SSC5D: variants seen among roughly 807,000 people sequenced by gnomAD.
SSC5D encodes scavenger receptor cysteine rich family member with 5 domains.
SSC5D carries 106 observed loss-of-function variants against 104.6 expected under a neutral mutation model. That is an observed-to-expected ratio of 1.01 (90% CI 0.87 to 1.19). The LOEUF (loss-of-function observed/expected upper bound fraction) is 1.19. Among genes scored for constraint, SSC5D ranks in the 50% most tolerant of loss-of-function variants. The pLI is 0.00. For synonymous variants in SSC5D, 860 were observed against 883.5 expected (o/e 0.97, Z 0.47); for missense variants, 1,993 against 2,153.8 (o/e 0.93, Z 1.48).
intron 13 of SSC5D, among the ~76,000 whole-genome samples, chr19:55,515,742 ATAAAAT>A (rs1568485217): frequency 2.0e-5 from 3 of 149,864 alleles, no homozygotes; most frequent in Admixed American, 6.6e-5. Context: ...AAAAAAAAAA[ATAAAAT>A]AAAATAAAAG....
chr19:55,499,361 C>T (rs1455372960), intron 9 of SSC5D, among the ~76,000 whole-genome samples: 2 of 152,168 alleles, frequency 1.3e-5, no homozygotes, highest in Non-Finnish European at 2.9e-5. Flanking sequence ...TCCCTCTGTC[C>T]CCGTCTTCCT....
Position 55,488,542 on chromosome 19 carries a change from C to A in SSC5D, c.-48C>A. On this transcript the variant is annotated 5_prime_UTR_variant, in exon 1 of 14. Coordinates refer to ENST00000389623, the MANE Select transcript of SSC5D (RefSeq NM_001144950.2). ...CCCCAGCTGCCTCCTCCTCTTCTCT[C>A]CCCGCTCTCCTTCCCCTTTCACCCC... is the stretch of plus-strand genomic sequence containing the variant. 1.3e-6 allele frequency: 2 copies of A among 1,534,984 alleles called. No homozygotes were observed. The highest frequency in any genetic ancestry group is 1.8e-6 in the Non-Finnish European group (2 of 1,132,900).
chr19:55,497,766 G>A, intron 8 of SSC5D, 114 bp from the exon 9 acceptor site: 1 of 1,024,570 alleles, frequency 9.8e-7, no homozygotes, highest in Non-Finnish European at 1.4e-6. Flanking sequence ...ATGAATGGAG[G>A]GAAGGCCTAG....
At position 55,500,528 on chromosome 19, in the gene SSC5D, T is replaced by G. The variant is rs1268031782; in HGVS notation, c.2341T>G (p.Cys781Gly). Residue 781 changes from cysteine (C) to glycine (G), a missense_variant, in exon 11 of 14, where the codon TGT (cysteine) becomes GGT (glycine). Cys to Gly is a radical substitution (Grantham distance 159, BLOSUM62 -3). Transcript: ENST00000389623. The surrounding 1 kb of genome is among the most constrained non-coding windows in gnomAD (Gnocchi z 4.6). ...RVRLADGPNR[C>G]AGRLEVWHAG... The stretch of plus-strand genomic sequence containing the variant: ...TCGTCTGGCCGATGGGCCCAACCGC[T>G]GTGCTGGCCGGCTGGAAGTGTGGCA... The G allele has an allele frequency of 6.4e-7, 1 of 1,551,720 alleles. No homozygotes were observed. Among genetic ancestry groups the G allele is most frequent in the Non-Finnish European group, 8.7e-7 (1 of 1,146,990 alleles).
chr19:55,493,977 T>TGGGGGGGGG, intron 7 of SSC5D, 65 bp downstream of exon 7: 1 of 23,772 alleles, frequency 4.2e-5, no homozygotes, highest in South Asian at 3.9e-4. Flanking sequence ...AGGGGCAAGT[T>TGGGGGGGGG]CGGCGGGGGC....
chr19:55,488,600 T>C lies in SSC5D; in HGVS notation c.11T>C (p.Leu4Ser). Residue 4 changes from leucine (L) to serine (S), a missense_variant, in exon 1 of 14, where the codon TTG becomes TCG. Leu to Ser is a moderately radical substitution (Grantham distance 145, BLOSUM62 -2). Coordinates refer to ENST00000389623, the MANE Select transcript of SSC5D (RefSeq NM_001144950.2). ...GCCCTGGCTGCAACCATGAGGGTCT[T>C]GGCCTGCCTCCTTGGTGAGTGATCC... Reference protein sequence around the residue: MRVLACLLAALVGI... With the variant: MRVSACLLAALVGI... 6.5e-7 allele frequency: 1 copy of C among 1,550,276 alleles called. No individual in the cohort carries two copies. The highest frequency in any genetic ancestry group is 1.7e-4 in the Middle Eastern group (1 of 5,986).
chr19:55,515,851 A>G (rs1377917015), intron 13 of SSC5D, among the ~76,000 whole-genome samples: 1 of 152,222 alleles, frequency 6.6e-6, no homozygotes, highest in African/African-American at 2.4e-5. Flanking sequence ...GGCACGGTAG[A>G]TCACAGCGCA....
At chr19:55,495,215 T>TCATATATATATATATATATATA (rs1987280652) in intron 8 of SSC5D, among the ~76,000 whole-genome samples, 1 of 23,158 alleles carries the variant, frequency 4.3e-5, no homozygotes, top group South Asian at 1.7e-3. Context: ...CTGCCTCCTT[T>TCATATATATATATATATATATA]CATATATATA....
chr19:55,493,604 C>T lies in SSC5D; in HGVS notation c.905C>T (p.Pro302Leu). 1 of 1,457,154 alleles carries T rather than the reference C, an allele frequency of 6.9e-7. No individual in the cohort carries two copies. Among genetic ancestry groups the T allele is most frequent in the African/African-American group, 1.5e-5 (1 of 67,470 alleles). The allele number at this position is 1,457,154 out of a possible 1,614,324, so 90.3% of individuals were successfully genotyped here. ...CTCTCCCACTATCCAGGCCCAGCACCTCGGCTGCGCCTGGCCGATGGCCCC... is the reference window on the plus strand; with the variant it reads ...CTCTCCCACTATCCAGGCCCAGCACTTCGGCTGCGCCTGGCCGATGGCCCC... ...DAGLVCTGPAPRLRLADGPHG... is the reference protein window; with the variant it reads ...DAGLVCTGPALRLRLADGPHG... Residue 302 changes from proline (P) to leucine (L), a missense_variant, in exon 7 of 14, where the codon CCT becomes CTT. Around this residue, in one of 6 missense-constraint regions of SSC5D, gnomAD observed 1,101 missense variants for 1,085.0 expected, o/e 1.01. Transcript: ENST00000389623.
chr19:55,512,851 C>G (rs1987787337), intron 12 of SSC5D, among the ~76,000 whole-genome samples, 160 bp from the exon 13 acceptor site: 1 of 152,120 alleles, frequency 6.6e-6, no homozygotes, highest in African/African-American at 2.4e-5. Context: ...AACATCCCAG[C>G]TGAATGGAGA....
At position 55,490,426 on chromosome 19, in the gene SSC5D, T is replaced by C; in HGVS notation, c.586+18T>C. ...CCGCCAAGGTAAGCTCCCTGCAGGC[T>C]CCCCCGACCCCAAGGCTGGTTGCTG... is the stretch of plus-strand genomic sequence containing the variant. On this transcript the variant is annotated intron_variant, in intron 5 of 13. Transcript: ENST00000389623. 2 of 700,826 alleles carry C rather than the reference T, an allele frequency of 2.9e-6. No individual in the cohort carries two copies. The highest frequency in any genetic ancestry group is 1.9e-5 in the South Asian group (1 of 53,400). 43.4% of individuals were successfully genotyped at this position (700,826 alleles called of 1,614,324 possible).
Position 55,489,565 on chromosome 19 carries a change from T to C in SSC5D, c.264T>C (p.Ala88=). 3.3e-6 allele frequency: 5 copies of C among 1,509,274 alleles called. No homozygotes were observed. Among genetic ancestry groups the C allele is most frequent in the African/African-American group, 1.4e-5 (1 of 72,246 alleles). 93.5% of individuals were successfully genotyped at this position (1,509,274 alleles called of 1,614,324 possible). ...GAGPVWLSEL[A]CRGNEGQLGL... ...GGCCTGTGTGGCTCAGCGAGCTGGC[T>C]TGCCGGGGCAACGAGGGGCAGCTGG... Residue 88 remains alanine, a synonymous_variant, in exon 3 of 14, where the codon GCT becomes GCC. Transcript: ENST00000389623.
intron 12 of SSC5D, among the ~76,000 whole-genome samples, chr19:55,511,751 A>G (rs908048875): frequency 2.0e-5 from 3 of 151,980 alleles, no homozygotes; most frequent in Non-Finnish European, 1.5e-5. Context: ...GCTGGTTATG[A>G]AGGAAGATGG....
rs1987058707 is a variant in SSC5D at position 55,489,356 on chromosome 19, C to T, written c.55C>T (p.Arg19Cys). 3.5e-6 allele frequency: 5 copies of T among 1,446,184 alleles called. No homozygotes were observed. Among genetic ancestry groups the T allele is most frequent in the African/African-American group, 1.5e-5 (1 of 66,746 alleles). 89.6% of individuals were successfully genotyped at this position (1,446,184 alleles called of 1,614,324 possible). Residue 19 changes from arginine to cysteine, a missense_variant and splice_region_variant, in exon 3 of 14, where the codon CGC becomes TGC. This residue lies in a region of SSC5D where 1,101 missense variants were observed against 1,085.0 expected (regional missense o/e 1.01). Transcript: ENST00000389623. ...AALVGIQAVE[R>C]LRLADGPHGC... ...ACAGCCATTCCTCCAACCCTCAGAG[C>T]GCCTGCGCCTGGCCGATGGCCCCCA... is the stretch of plus-strand genomic sequence containing the variant.
chr19:55,497,988 G>A lies in SSC5D; in HGVS notation c.1496G>A (p.Arg499Gln), dbSNP rs764961776. 1.4e-5 allele frequency: 22 copies of A among 1,551,712 alleles called. No homozygotes were observed. The highest frequency in any genetic ancestry group is 9.8e-5 in the Admixed American group (5 of 50,994). ...GTVCDDSWDM[R>Q]DSAVVCRELG... ...GTGTGTGACGATAGCTGGGACATGC[G>A]GGATTCAGCTGTGGTCTGCCGGGAG... The change falls in exon 9 of 14, where the codon CGG becomes CAG. Residue 499 changes from arginine to glutamine, a missense_variant. Arg to Gln is a conservative substitution (Grantham distance 43). This residue lies in a region of SSC5D where 1,101 missense variants were observed against 1,085.0 expected (regional missense o/e 1.01). Transcript: ENST00000389623.
At chr19:55,506,507 G>C (rs1007951342) in intron 12 of SSC5D, among the ~76,000 whole-genome samples, 19 of 142,306 alleles carry the variant, frequency 1.3e-4, no homozygotes, top group African/African-American at 4.7e-4. Flanking sequence ...CCATTCTCCT[G>C]CCTCAGCTTC....
rs1394891637 is a variant in SSC5D at position 55,503,607 on chromosome 19, C to T, written c.2785+2406C>T. On this transcript the variant is annotated intron_variant, in intron 12 of 13. Transcript: ENST00000389623. The surrounding 1 kb of genome is among the most constrained non-coding windows in gnomAD (Gnocchi z 4.0). ...CCCTCACGGGAGGTTTCACTCCCCA[C>T]CTAAGGGGCAGCGTTTCTGTCCTCC... 2.0e-5 allele frequency among the ~76,000 whole-genome samples: 3 copies of T among 152,170 alleles called. No individual in the cohort carries two copies. The highest frequency in any genetic ancestry group is 4.4e-5 in the Non-Finnish European group (3 of 68,034).
chr19:55,489,870 C>A lies in SSC5D; in HGVS notation c.362-12C>A, dbSNP rs1035675542. On this transcript the variant is annotated splice_polypyrimidine_tract_variant and intron_variant, in intron 3 of 13. Transcript: ENST00000389623. The stretch of plus-strand genomic sequence containing the variant: ...TCTCCTCATAGCTTCTGTCCCTGCC[C>A]CCCCGCCGCAGGTCAGCGTGTGGCT... 1.3e-6 allele frequency: 2 copies of A among 1,546,806 alleles called. No individual in the cohort carries two copies. The highest frequency in any genetic ancestry group is 3.9e-5 in the Admixed American group (2 of 50,958).
At chr19:55,490,236 C>T (rs565060453) in intron 4 of SSC5D, 62 bp from the exon 5 acceptor site, 15 of 665,720 alleles carry the variant, frequency 2.3e-5, no homozygotes, top group Non-Finnish European at 3.8e-5. Flanking sequence ...GAGGCCTGGG[C>T]CCCCAGGTGG....
Sources: allele counts gnomAD v4.1 joint callset (sites outside exome capture counted in the v4.1 genomes callset), GRCh38; gene constraint gnomAD v4.1.1; regional missense constraint gnomAD v4.1.1; non-coding constraint Gnocchi (gnomAD v3.1); transcripts MANE v1.5; gene names NCBI Gene and HGNC (gene_info 2026-07-23, HGNC 2026-07-21).